KIF4A: variants seen among roughly 807,000 people sequenced by gnomAD.
KIF4A encodes the protein chromosome-associated kinesin KIF4A.
KIF4A carries 7 observed loss-of-function variants against 105.9 expected under a neutral mutation model. The ratio of observed to expected loss-of-function variants is 0.07; its 90% confidence interval spans 0.04 to 0.12. The LOEUF (loss-of-function observed/expected upper bound fraction) is 0.12. Among genes scored for constraint, KIF4A ranks in the 10% least tolerant of loss-of-function variants. The probability of loss-of-function intolerance (pLI) is 1.00; values close to 1 mark genes in which losing one functional copy is unlikely to be tolerated. For missense variants in KIF4A, 558 were observed against 929.2 expected (o/e 0.60, Z 5.19); for synonymous variants, 281 against 331.3 (o/e 0.85, Z 1.65).
intron 7 of KIF4A, among the ~76,000 whole-genome samples, chrX:70,322,311 T>A (rs1359404244): frequency 9.3e-6 from 1 of 107,976 alleles, no homozygotes; most frequent in African/African-American, 3.4e-5. Flanking sequence ...TAATTTATTT[T>A]ATTTATTTAT....
intron 7 of KIF4A, among the ~76,000 whole-genome samples, chrX:70,308,791 G>A (rs1308152721): frequency 9.0e-6 from 1 of 111,551 alleles, no homozygotes; most frequent in East Asian, 2.8e-4. Context: ...TTGTATTTTA[G>A]TAGAGATGGG....
At chrX:70,419,862 A>T in intron 30 of KIF4A, 79 bp downstream of exon 30, 5 of 1,159,699 alleles carry the variant, frequency 4.3e-6, no homozygotes, top group Non-Finnish European at 5.9e-6. Context: ...CCAGTAGGAG[A>T]GAGGCAGGTG....
chrX:70,368,477 C>G (rs1042819080), intron 15 of KIF4A, among the ~76,000 whole-genome samples: 1 of 112,206 alleles, frequency 8.9e-6, no homozygotes, highest in Non-Finnish European at 1.9e-5. Context: ...AGTCAAGACC[C>G]TTAGCTGCAG....
In KIF4A at chrX:70,395,737, C is replaced by T; in HGVS notation, c.2299C>T (p.Leu767Phe). 1 of 1,211,350 alleles carries T rather than the reference C, an allele frequency of 8.3e-7. No homozygotes were observed. Among genetic ancestry groups the T allele is most frequent in the African/African-American group, 1.7e-5 (1 of 57,665 alleles). Residue 767 changes from leucine (L) to phenylalanine (F), a missense_variant, in exon 21 of 31, where the codon CTC becomes TTC. Physicochemically the swap from Leu to Phe is conservative, Grantham distance 22. Around this residue, in one of 2 missense-constraint regions of KIF4A, gnomAD observed 469 missense variants for 680.4 expected, o/e 0.69. Coordinates refer to ENST00000374403, the MANE Select transcript of KIF4A (RefSeq NM_012310.5). ...GGAAGCCAAACGCCATCTGAATGACCTCCTTGAAGATAGAAAGATCCTGGC... is the reference window on the plus strand; with the variant it reads ...GGAAGCCAAACGCCATCTGAATGACTTCCTTGAAGATAGAAAGATCCTGGC... ...TEEAKRHLND[L>F]LEDRKILAQD...
intron 11 of KIF4A, among the ~76,000 whole-genome samples, 195 bp from the exon 12 acceptor site, chrX:70,343,508 G>A (rs1484770227): frequency 9.0e-6 from 1 of 111,503 alleles, no homozygotes; most frequent in Non-Finnish European, 1.9e-5. Flanking sequence ...AGTAGCTCAT[G>A]TTGACTGAAG....
At chrX:70,297,253 A>G in intron 4 of KIF4A, 65 bp downstream of exon 4, 2 of 1,006,604 alleles carry the variant, frequency 2.0e-6, no homozygotes, top group Non-Finnish European at 2.7e-6. Flanking sequence ...ATAAATCCAA[A>G]TCAGGTTTTT....
chrX:70,376,391 A>G (rs776980212), intron 18 of KIF4A, among the ~76,000 whole-genome samples, 181 bp downstream of exon 18: 1 of 112,167 alleles, frequency 8.9e-6, no homozygotes, highest in African/African-American at 3.2e-5. Flanking sequence ...ACTAGGCACT[A>G]TTAGAAATAG....
intron 3 of KIF4A, among the ~76,000 whole-genome samples, chrX:70,295,745 G>A (rs954701888): frequency 2.1e-4 from 23 of 107,885 alleles, no homozygotes; most frequent in Non-Finnish European, 4.4e-4. Flanking sequence ...GTGAAACCCC[G>A]TCTCTACTAA....
At chrX:70,298,973 C>A in intron 4 of KIF4A, 140 bp from the exon 5 acceptor site, 1 of 424,885 alleles carries the variant, frequency 2.4e-6, no homozygotes, top group Non-Finnish European at 4.0e-6. Context: ...CTTAATTCTA[C>A]AAGTAATACA....
intron 13 of KIF4A, among the ~76,000 whole-genome samples, chrX:70,351,313 C>T (rs765889254): frequency 8.9e-6 from 1 of 112,415 alleles, no homozygotes; most frequent in Non-Finnish European, 1.9e-5. Flanking sequence ...AACCCTTTCA[C>T]TCTTCCAAGT....
At chrX:70,306,308 G>C (rs971512595) in intron 7 of KIF4A, among the ~76,000 whole-genome samples, 2 of 111,296 alleles carry the variant, frequency 1.8e-5, no homozygotes, top group Non-Finnish European at 3.8e-5. Context: ...CTTCGTTCTT[G>C]TTCAAGATTG....
intron 15 of KIF4A, among the ~76,000 whole-genome samples, chrX:70,372,113 T>C (rs1602782370): frequency 1.0e-5 from 1 of 100,201 alleles, no homozygotes; most frequent in East Asian, 3.3e-4. Flanking sequence ...GCTCCTCACT[T>C]CCTAGATGGG....
In KIF4A at chrX:70,406,384, G is replaced by C. The variant is rs765003145; in HGVS notation, c.3072+30G>C. 25 of 1,114,862 alleles carry C rather than the reference G, an allele frequency of 2.2e-5. 1 individual carries two copies. Among genetic ancestry groups the C allele is most frequent in the Non-Finnish European group, 2.8e-5 (23 of 811,390 alleles). 91.9% of individuals were successfully genotyped at this position (1,114,862 alleles called of 1,213,427 possible). A position where few individuals can be genotyped will look rare whatever the true frequency, so the allele number is the denominator to read the frequency against. On this transcript the variant is annotated intron_variant, in intron 27 of 30. Transcript: ENST00000374403. The stretch of plus-strand genomic sequence containing the variant: ...AATGATCAGTGCCTGTGATACCTTT[G>C]CACAGCTTAGGTTTGGGGTGAGTGT...
In KIF4A at chrX:70,420,106, G is replaced by A; in HGVS notation, c.3540G>A (p.Lys1180=). The A allele has an allele frequency of 8.3e-7, 1 of 1,211,121 alleles. No homozygotes were observed. The highest frequency in any genetic ancestry group is 3.0e-5 in the East Asian group (1 of 33,807). Residue 1180 remains lysine, a synonymous_variant, in exon 31 of 31, where the codon AAG becomes AAA. Transcript: ENST00000374403. ...MCDVEQVLSK[K]TPPAPSPFDL... The stretch of plus-strand genomic sequence containing the variant: ...ATGTGGAGCAGGTGCTGTCAAAGAA[G>A]ACTCCCCCAGCTCCCTCCCCTTTTG...
At chrX:70,346,522 G>A (rs926995507) in intron 13 of KIF4A, among the ~76,000 whole-genome samples, 22 of 112,059 alleles carry the variant, frequency 2.0e-4, no homozygotes, top group Admixed American at 7.6e-4. Context: ...AGCATCCTCA[G>A]TGAGAATCTG....
In KIF4A at chrX:70,325,404, A is replaced by G. The variant is rs765946171; in HGVS notation, c.779-4001A>G. Among the ~76,000 whole-genome samples the G allele has an allele frequency of 5.4e-5, 6 of 110,275 alleles. No individual in the cohort carries two copies. In the East Asian group the frequency reaches 1.7e-3, roughly 32 times the overall value. The stretch of plus-strand genomic sequence containing the variant: ...GTGATTCTCCCACCCCAGCTTCCTG[A>G]GTAGCTGGGACTACAGGTGCACACC... On this transcript the variant is annotated intron_variant, in intron 7 of 30. Coordinates refer to ENST00000374403, the MANE Select transcript of KIF4A (RefSeq NM_012310.5).
intron 4 of KIF4A, among the ~76,000 whole-genome samples, chrX:70,298,008 C>A (rs948682144): frequency 9.0e-6 from 1 of 110,627 alleles, no homozygotes; most frequent in African/African-American, 3.3e-5. Flanking sequence ...CGGTGGTTCA[C>A]GCCTGTAATC....
At chrX:70,308,162 C>A (rs977121504) in intron 7 of KIF4A, among the ~76,000 whole-genome samples, 2 of 112,116 alleles carry the variant, frequency 1.8e-5, no homozygotes, top group African/African-American at 6.5e-5. Context: ...CCACTCCCTC[C>A]CGTGGATACC....
At chrX:70,329,364 A>T in intron 7 of KIF4A, 41 bp from the exon 8 acceptor site, 1 of 1,095,502 alleles carries the variant, frequency 9.1e-7, no homozygotes, top group Non-Finnish European at 1.3e-6. Context: ...TATATGTTGG[A>T]TGCATTACCA....
Sources: gnomAD v4.1 joint callset for allele counts (sites outside exome capture counted in the v4.1 genomes callset) on GRCh38, gnomAD v4.1.1 for gene constraint, gnomAD v4.1.1 regional missense constraint, MANE v1.5 for transcripts, NCBI Gene and HGNC (gene_info 2026-07-23, HGNC 2026-07-21) for gene names.